The following LRRC8D variants were observed in gnomAD, a reference collection of about 807,000 sequenced individuals.
The protein encoded by LRRC8D is volume-regulated anion channel subunit LRRC8D.
In LRRC8D, 20 loss-of-function variants were observed where a neutral mutation model predicts 55.8. That is an observed-to-expected ratio of 0.36 (90% confidence interval 0.25 to 0.52). The LOEUF (loss-of-function observed/expected upper bound fraction) is 0.52. Ranked by LOEUF, LRRC8D falls within the 20% of genes least tolerant of loss-of-function variation. The pLI, the probability that LRRC8D is intolerant of heterozygous loss-of-function variation, is 0.93. For missense variants in LRRC8D, 651 were observed against 1,030.8 expected (o/e 0.63, Z 5.05); for synonymous variants, 352 against 377.0 (o/e 0.93, Z 0.77).
At chr1:89,915,016 C>CTGTGTG (rs56870719) in intron 2 of LRRC8D, among the ~76,000 whole-genome samples, 3,425 of 144,820 alleles carry the variant, frequency 0.024, 137 homozygotes, top group African/African-American at 0.079. Context: ...TCTTGCTCTA[C>CTGTGTG]TGTGTGTGTG....
chr1:89,913,702 A>T (rs1051539431), intron 2 of LRRC8D, among the ~76,000 whole-genome samples: 6 of 152,200 alleles, frequency 3.9e-5, no homozygotes, highest in Non-Finnish European at 8.8e-5. Context: ...TCAGTTTATC[A>T]CCATCTTCGA....
chr1:89,880,346 A>G (rs759454465), intron 2 of LRRC8D, among the ~76,000 whole-genome samples: 9 of 152,050 alleles, frequency 5.9e-5, no homozygotes, highest in Middle Eastern at 3.4e-3. Flanking sequence ...AATGCAAAAT[A>G]CATTGGCATT....
chr1:89,851,139 G>C (rs1661407129), intron 2 of LRRC8D, among the ~76,000 whole-genome samples: 1 of 149,832 alleles, frequency 6.7e-6, no homozygotes, highest in Non-Finnish European at 1.5e-5. Context: ...TTGGTCATCT[G>C]TGTAGGGCAG....
intron 2 of LRRC8D, among the ~76,000 whole-genome samples, chr1:89,914,543 T>A (rs939346055): frequency 1.3e-5 from 2 of 152,164 alleles, no homozygotes; most frequent in Non-Finnish European, 2.9e-5. Flanking sequence ...CCTAAAAATA[T>A]CTATACTTAC....
intron 1 of LRRC8D, among the ~76,000 whole-genome samples, chr1:89,839,790 CCAGA>C (rs1353226580): frequency 6.6e-6 from 1 of 152,080 alleles, no homozygotes; most frequent in Non-Finnish European, 1.5e-5. Flanking sequence ...TCTTTGGCAA[CCAGA>C]CAGCTTGTCA....
At chr1:89,886,459 T>A (rs1279798378) in intron 2 of LRRC8D, among the ~76,000 whole-genome samples, 1 of 152,234 alleles carries the variant, frequency 6.6e-6, no homozygotes, top group African/African-American at 2.4e-5. Context: ...ATAAGGTAAG[T>A]ACTTGTAAAA....
In LRRC8D at chr1:89,838,952, G is replaced by T. The variant is rs116386495; in HGVS notation, c.-147-4686G>T. On this transcript the variant is annotated intron_variant, in intron 1 of 2. Coordinates refer to ENST00000337338, the MANE Select transcript of LRRC8D (RefSeq NM_001134479.2). ...TTACACTTTACCAAAATCTGGCGAG[G>T]TGATGAGGGTGTATGATGCACTTGA... Among the ~76,000 whole-genome samples, 1,516 of 152,242 alleles carry T rather than the reference G, an allele frequency of 1.0e-2. 16 individuals are homozygous for T. The highest frequency in any genetic ancestry group is 0.035 in the African/African-American group (1,464 of 41,538).
rs757148100 is a variant in LRRC8D at position 89,934,675 on chromosome 1, G to A, written c.1607G>A (p.Arg536His). 5.0e-6 allele frequency: 8 copies of A among 1,614,104 alleles called. No homozygotes were observed. In the Admixed American group the frequency reaches 5.0e-5, roughly 10 times the overall value. The stretch of plus-strand genomic sequence containing the variant: ...GAACAGACTGCTTTTAGCTTTCTTC[G>A]CGATCACTTGAGATGCCTTCACGTG... ...KVEQTAFSFL[R>H]DHLRCLHVKF... Residue 536 changes from arginine (R) to histidine (H), a missense_variant, in exon 3 of 3, where the codon CGC becomes CAC. Arg to His is a conservative substitution (Grantham distance 29). This residue lies in a region of LRRC8D where 338 missense variants were observed against 479.4 expected (regional missense o/e 0.71). Transcript: ENST00000337338. The surrounding 1 kb of genome is among the most constrained non-coding windows in gnomAD (Gnocchi z 5.9).
chr1:89,857,428 A>G (rs1661588001), intron 2 of LRRC8D, among the ~76,000 whole-genome samples: 1 of 151,118 alleles, frequency 6.6e-6, no homozygotes, highest in Admixed American at 6.6e-5. Flanking sequence ...AGTGGAGATT[A>G]TAGGTGATTT....
intron 2 of LRRC8D, among the ~76,000 whole-genome samples, chr1:89,864,943 G>C (rs75994949): frequency 0.04 from 6,100 of 152,116 alleles, 431 homozygotes; most frequent in African/African-American, 0.14. Context: ...TTTTGTTTGG[G>C]TAACTCCTGT....
At chr1:89,830,859 C>T (rs1660868228) in intron 1 of LRRC8D, among the ~76,000 whole-genome samples, 1 of 151,874 alleles carries the variant, frequency 6.6e-6, no homozygotes, top group Non-Finnish European at 1.5e-5. Context: ...CCTTTAGTGG[C>T]CAGATAAATG....
Position 89,911,504 on chromosome 1 carries a change from G to A in LRRC8D, c.-2-21563G>A, listed in dbSNP as rs1044123557. Among the ~76,000 whole-genome samples the A allele has an allele frequency of 9.2e-5, 14 of 152,064 alleles. No individual in the cohort carries two copies. The highest frequency in any genetic ancestry group is 4.1e-4 in the South Asian group (2 of 4,826). ...TGTTCAAAATAAGAAACAAGTAGCC[G>A]TAAGAAAAACATCTTGGTACTCTCT... On this transcript the variant is annotated intron_variant, in intron 2 of 2. Transcript: ENST00000337338. The surrounding 1 kb of genome is among the most constrained non-coding windows in gnomAD (Gnocchi z 4.0).
At chr1:89,924,133 AACAG>A (rs1344855377) in intron 2 of LRRC8D, among the ~76,000 whole-genome samples, 1 of 152,360 alleles carries the variant, frequency 6.6e-6, no homozygotes, top group East Asian at 1.9e-4. Flanking sequence ...GTCAACAGTA[AACAG>A]ACAGCATACA....
intron 2 of LRRC8D, among the ~76,000 whole-genome samples, chr1:89,904,920 G>C (rs1047728029): frequency 6.6e-6 from 1 of 151,968 alleles, no homozygotes; most frequent in Non-Finnish European, 1.5e-5. Context: ...AAGCCATCCA[G>C]TATCCTTGCT....
chr1:89,827,457 T>C (rs1035341427), intron 1 of LRRC8D, among the ~76,000 whole-genome samples: 1 of 151,966 alleles, frequency 6.6e-6, no homozygotes, highest in East Asian at 1.9e-4. Context: ...AGAAAGACAC[T>C]AGAGCTGGAA....
At chr1:89,924,596 A>C in intron 2 of LRRC8D, among the ~76,000 whole-genome samples, 1 of 152,178 alleles carries the variant, frequency 6.6e-6, no homozygotes, top group South Asian at 2.1e-4. Context: ...ATCATTCTAC[A>C]AAAAAGATGT....
chr1:89,902,364 C>G (rs1202346747), intron 2 of LRRC8D, among the ~76,000 whole-genome samples: 1 of 152,122 alleles, frequency 6.6e-6, no homozygotes, highest in Non-Finnish European at 1.5e-5. Context: ...AGAGCTGCCC[C>G]AAACCAGTTT....
At chr1:89,834,941 C>T (rs1429186134) in intron 1 of LRRC8D, among the ~76,000 whole-genome samples, 1 of 152,186 alleles carries the variant, frequency 6.6e-6, no homozygotes, top group Non-Finnish European at 1.5e-5. Context: ...CTAGAGTGTC[C>T]TGCTGAGGAA....
chr1:89,841,314 T>A lies in LRRC8D; in HGVS notation c.-147-2324T>A, dbSNP rs145011388. ...GAAGGCCATGGTCATCTGGGTGCAC[T>A]ACAATTCAAGTCTGTGAGGTGAGGA... On this transcript the variant is annotated intron_variant, in intron 1 of 2. Coordinates refer to ENST00000337338, the MANE Select transcript of LRRC8D (RefSeq NM_001134479.2). 2.8e-4 allele frequency among the ~76,000 whole-genome samples: 43 copies of A among 152,136 alleles called. No homozygotes were observed. In the East Asian group the frequency reaches 8.1e-3, roughly 29 times the overall value.
Sources: gnomAD v4.1 joint callset for allele counts (sites outside exome capture counted in the v4.1 genomes callset) on GRCh38, gnomAD v4.1.1 for gene constraint, gnomAD v4.1.1 regional missense constraint, Gnocchi (gnomAD v3.1) non-coding constraint, MANE v1.5 for transcripts, NCBI Gene and HGNC (gene_info 2026-07-23, HGNC 2026-07-21) for gene names.